SUGCT: variants seen among roughly 807,000 people sequenced by gnomAD.
SUGCT encodes succinyl-CoA:glutarate CoA-transferase.
In SUGCT, 41 loss-of-function variants were observed where a neutral mutation model predicts 55.0. That is an observed-to-expected ratio of 0.74 (90% CI 0.58 to 0.97). The LOEUF is 0.97. Ranked by LOEUF, SUGCT falls within the 50% of genes least tolerant of loss-of-function variation. The pLI, the probability that SUGCT is intolerant of heterozygous loss-of-function variation, is 0.00. For synonymous variants in SUGCT, 187 were observed against 200.4 expected (o/e 0.93, Z 0.56); for missense variants, 568 against 547.8 (o/e 1.04, Z -0.37).
At chr7:40,320,657 T>C (rs1795676700) in intron 9 of SUGCT, among the ~76,000 whole-genome samples, 2 of 152,208 alleles carry the variant, frequency 1.3e-5, no homozygotes, top group African/African-American at 4.8e-5. Context: ...GAACCTTCAT[T>C]TCCATGTCCT....
intron 9 of SUGCT, among the ~76,000 whole-genome samples, chr7:40,400,468 C>A (rs1200066440): frequency 1.3e-5 from 2 of 152,096 alleles, no homozygotes; most frequent in Admixed American, 1.3e-4. Context: ...ATTTCTTTCC[C>A]TTGGGGTAGA....
chr7:40,420,033 A>G (rs1787222020), intron 9 of SUGCT, among the ~76,000 whole-genome samples: 1 of 152,178 alleles, frequency 6.6e-6, no homozygotes, highest in East Asian at 1.9e-4. Flanking sequence ...GGGAAAACAG[A>G]AAATCTGAAT....
the SUGCT span, among the ~76,000 whole-genome samples, chr7:40,880,210 T>C: frequency 6.6e-6 from 1 of 152,220 alleles, no homozygotes; most frequent in Non-Finnish European, 1.5e-5. Context: ...TTATGACCCA[T>C]AGCTCCTGGA....
chr7:40,955,046 T>C, the SUGCT span, among the ~76,000 whole-genome samples: 1 of 152,198 alleles, frequency 6.6e-6, no homozygotes, highest in Non-Finnish European at 1.5e-5. Flanking sequence ...TGTAGCCTTG[T>C]AGTATAGTTT....
At chr7:40,815,599 C>G (rs1362094863) in intron 13 of SUGCT, among the ~76,000 whole-genome samples, 2 of 152,106 alleles carry the variant, frequency 1.3e-5, no homozygotes, top group African/African-American at 4.8e-5. Flanking sequence ...GGCAAGCATC[C>G]TGGAGATTTG....
At chr7:40,530,500 G>A (rs376429254) in intron 12 of SUGCT, among the ~76,000 whole-genome samples, 2 of 152,150 alleles carry the variant, frequency 1.3e-5, no homozygotes, top group African/African-American at 4.8e-5. Context: ...GTGGTATATT[G>A]GAGTCTTGTG....
intron 9 of SUGCT, among the ~76,000 whole-genome samples, chr7:40,353,874 G>C (rs570294123): frequency 2.0e-5 from 3 of 152,040 alleles, no homozygotes; most frequent in African/African-American, 7.2e-5. Flanking sequence ...GGCTCCTGTA[G>C]CAGTTCATCT....
rs535809413 is a variant in SUGCT at position 40,541,799 on chromosome 7, G to A, written c.1089+45413G>A. On this transcript the variant is annotated intron_variant, in intron 12 of 13. Transcript: ENST00000335693. ...TAATTATAATGTTCCATTAAATAAG[G>A]AGTATGCTAAATTCACACCTGTAAA... 5.9e-5 allele frequency among the ~76,000 whole-genome samples: 9 copies of A among 152,310 alleles called. 1 individual carries two copies. In the South Asian group the frequency reaches 1.9e-3, roughly 32 times the overall value.
At chr7:40,905,303 G>A in the SUGCT span, among the ~76,000 whole-genome samples, 1 of 152,226 alleles carries the variant, frequency 6.6e-6, no homozygotes, top group African/African-American at 2.4e-5. Flanking sequence ...TTTTCTCATT[G>A]ACTTAAAACA....
chr7:40,228,616 C>T (rs563016537), intron 6 of SUGCT, among the ~76,000 whole-genome samples: 1 of 152,146 alleles, frequency 6.6e-6, no homozygotes, highest in South Asian at 2.1e-4. Flanking sequence ...GTGATGTTGG[C>T]AGGCATTGAT....
chr7:40,291,672 A>G (rs184087577), intron 8 of SUGCT, among the ~76,000 whole-genome samples: 1 of 149,296 alleles, frequency 6.7e-6, no homozygotes, highest in Non-Finnish European at 1.5e-5. Context: ...AAAATAAAAA[A>G]ATATATATAT....
chr7:40,772,561 TCTGGTGTTATCTATCTG>T (rs1263082543), intron 13 of SUGCT, among the ~76,000 whole-genome samples: 7 of 146,568 alleles, frequency 4.8e-5, no homozygotes, highest in African/African-American at 1.8e-4. Context: ...TATCTATCTA[TCTGGTGTTATCTATCTG>T]CTATCTATCT....
intron 9 of SUGCT, among the ~76,000 whole-genome samples, chr7:40,390,264 G>A (rs181402124): frequency 2.0e-5 from 3 of 152,160 alleles, no homozygotes; most frequent in African/African-American, 7.2e-5. Context: ...TATTCAACAT[G>A]GTGTTGGAAG....
At chr7:40,575,448 G>A (rs1796688463) in intron 12 of SUGCT, among the ~76,000 whole-genome samples, 1 of 152,158 alleles carries the variant, frequency 6.6e-6, no homozygotes, top group Non-Finnish European at 1.5e-5. Context: ...AAATATGGAA[G>A]AAGTTGATGC....
the SUGCT span, among the ~76,000 whole-genome samples, chr7:41,018,908 CTT>C: frequency 5.7e-5 from 8 of 141,558 alleles, no homozygotes; most frequent in Admixed American, 1.4e-4. Context: ...CTAATATATT[CTT>C]TTTTTTTTTT....
intron 7 of SUGCT, among the ~76,000 whole-genome samples, chr7:40,242,482 A>G (rs549946275): frequency 6.6e-6 from 1 of 152,108 alleles, no homozygotes; most frequent in South Asian, 2.1e-4. Context: ...TCGTATTGAC[A>G]CATTCTATAA....
chr7:40,590,833 C>A lies in SUGCT; in HGVS notation c.1089+94447C>A, dbSNP rs368222756. Among the ~76,000 whole-genome samples the A allele has an allele frequency of 3.3e-5, 5 of 152,144 alleles. No homozygotes were observed. The East Asian group carries it at 9.6e-4, about 29-fold the overall frequency. On this transcript the variant is annotated intron_variant, in intron 12 of 13. Transcript: ENST00000335693. ...GTGCTCCGTACATGGAACAACAAAGCCTGGATTACACTGCGTCTGTTTACA... is the reference window on the plus strand; with the variant it reads ...GTGCTCCGTACATGGAACAACAAAGACTGGATTACACTGCGTCTGTTTACA...
At chr7:40,833,321 CT>C (rs869037138) in intron 13 of SUGCT, among the ~76,000 whole-genome samples, 1 of 136,462 alleles carries the variant, frequency 7.3e-6, no homozygotes, top group Non-Finnish European at 1.6e-5. Context: ...AGTTTTTTCC[CT>C]TTTTTTCTAC....
At chr7:40,257,868 C>T (rs968888709) in intron 7 of SUGCT, among the ~76,000 whole-genome samples, 1 of 151,782 alleles carries the variant, frequency 6.6e-6, no homozygotes, top group Non-Finnish European at 1.5e-5. Context: ...GGCAAGACTA[C>T]GTCTCAGAAA....
Sources: allele counts gnomAD v4.1 joint callset (sites outside exome capture counted in the v4.1 genomes callset), GRCh38; gene constraint gnomAD v4.1.1; transcripts MANE v1.5; gene names NCBI Gene and HGNC (gene_info 2026-07-23, HGNC 2026-07-21).